The following PAG1 variants were observed in gnomAD, a reference collection of about 807,000 sequenced individuals.
The protein encoded by PAG1 is phosphoprotein membrane anchor with glycosphingolipid microdomains 1, also known as phosphoprotein associated with glycosphingolipid-enriched microdomains 1.
Under a neutral mutation model 31.7 loss-of-function variants are expected in PAG1, and 23 were observed. The observed-to-expected ratio is 0.73, with a 90% CI of 0.52 to 1.03. The LOEUF (loss-of-function observed/expected upper bound fraction) is 1.03. PAG1 is among the 50% of genes least tolerant of loss of function. The pLI, the probability that PAG1 is intolerant of heterozygous loss-of-function variation, is 0.00. For missense variants in PAG1, 473 were observed against 540.7 expected (o/e 0.87, Z 1.24); for synonymous variants, 214 against 210.3 (o/e 1.02, Z -0.15).
intron 5 of PAG1, chr8:80,987,671 C>T (rs1209198914): frequency 2.1e-5 from 11 of 512,866 alleles, no homozygotes; most frequent in Admixed American, 9.9e-5. Context: ...TAGTACTGAA[C>T]CCTATATAGA....
At position 81,094,593 on chromosome 8, in the gene PAG1, T is replaced by C. The variant is rs190565304; in HGVS notation, c.-234+16998A>G. 4.3e-3 allele frequency among the ~76,000 whole-genome samples: 650 copies of C among 152,254 alleles called. 7 individuals are homozygous for C. Among genetic ancestry groups the C allele is most frequent in the South Asian group, 0.023 (112 of 4,824 alleles). ...GGAAAAAGAGGCCCAGAAACACCAA[T>C]ATTAAGATCCAAGCTCTTCTTTGCA... On this transcript the variant is annotated intron_variant, in intron 1 of 8. Transcript: ENST00000220597.
intron 2 of PAG1, among the ~76,000 whole-genome samples, chr8:81,052,129 C>T (rs1028831299): frequency 4.0e-5 from 3 of 74,186 alleles, no homozygotes; most frequent in African/African-American, 5.6e-5. Flanking sequence ...GACTCCATCT[C>T]AAAAAAAAAA....
chr8:81,080,745 TCTA>T (rs1809252836), intron 1 of PAG1, among the ~76,000 whole-genome samples: 1 of 152,076 alleles, frequency 6.6e-6, no homozygotes, highest in Admixed American at 6.6e-5. Flanking sequence ...AAAAGAATAA[TCTA>T]CTGCCCAGCA....
chr8:81,077,802 G>C (rs1809203462), intron 1 of PAG1, among the ~76,000 whole-genome samples: 2 of 152,174 alleles, frequency 1.3e-5, no homozygotes, highest in African/African-American at 4.8e-5. Flanking sequence ...GTTTAGATTG[G>C]TTAGAGACAA....
chr8:80,980,643 G>A, intron 7 of PAG1, 149 bp from the exon 8 acceptor site: 1 of 610,636 alleles, frequency 1.6e-6, no homozygotes, highest in Non-Finnish European at 2.9e-6. Flanking sequence ...AAACACTTAT[G>A]CAATCTATTA....
intron 5 of PAG1, among the ~76,000 whole-genome samples, chr8:80,989,410 T>TA (rs1807491882): frequency 6.6e-6 from 1 of 152,196 alleles, no homozygotes; most frequent in Admixed American, 6.5e-5. Flanking sequence ...TCTTTGCTTC[T>TA]ATGAGATGAA....
intron 3 of PAG1, among the ~76,000 whole-genome samples, chr8:81,024,609 C>T (rs1449579507): frequency 6.6e-6 from 1 of 152,164 alleles, no homozygotes; most frequent in Non-Finnish European, 1.5e-5. Context: ...AAATTTCTAC[C>T]TAAAAGACTA....
At chr8:81,100,751 G>A (rs539411125) in intron 1 of PAG1, among the ~76,000 whole-genome samples, 1 of 152,322 alleles carries the variant, frequency 6.6e-6, no homozygotes, top group East Asian at 1.9e-4. Flanking sequence ...ACAGTCCTTG[G>A]CATATTACAG....
Position 80,968,028 on chromosome 8 carries a change from T to C in PAG1, c.*8516A>G, listed in dbSNP as rs1005358076. 2 of 151,990 alleles carry C rather than the reference T, an allele frequency of 1.3e-5. No homozygotes were observed. The highest frequency in any genetic ancestry group is 2.9e-5 in the Non-Finnish European group (2 of 68,020). 9.4% of individuals were successfully genotyped at this position (151,990 alleles called of 1,614,324 possible). A position where few individuals can be genotyped will look rare whatever the true frequency, so the allele number is the denominator to read the frequency against. On this transcript the variant is annotated 3_prime_UTR_variant, in exon 9 of 9. Transcript: ENST00000220597. ...ACTGGCAGAAACATACGAAAACAAA[T>C]ACCCATTTCAGTTCCTCAGGTACCA...
chr8:81,108,584 C>T (rs928096857), intron 1 of PAG1, among the ~76,000 whole-genome samples: 5 of 151,762 alleles, frequency 3.3e-5, no homozygotes, highest in Admixed American at 3.3e-4. Context: ...GTGCCCTATA[C>T]GGCAATTAGA....
intron 1 of PAG1, among the ~76,000 whole-genome samples, chr8:81,074,271 C>T (rs370681548): frequency 3.3e-5 from 5 of 152,052 alleles, no homozygotes; most frequent in African/African-American, 9.6e-5. Context: ...GAAGATGTGG[C>T]GTGGGGAGAG....
Position 80,985,334 on chromosome 8 carries a change from C to G in PAG1, c.318G>C (p.Glu106Asp). Reference sequence around the variant, plus strand: ...GATCCGAGGCCGATGTCTGGACTTCCTCGTAATGCTGCATGCAGGTCAGAG... The same window carrying G: ...GATCCGAGGCCGATGTCTGGACTTCGTCGTAATGCTGCATGCAGGTCAGAG... ...DSTLTCMQHY[E>D]EVQTSASDLL... Residue 106 changes from glutamate to aspartate, a missense_variant, in exon 7 of 9, where the codon GAG becomes GAC. Glu to Asp is a conservative substitution (Grantham distance 45, BLOSUM62 2). Coordinates refer to ENST00000220597, the MANE Select transcript of PAG1 (RefSeq NM_018440.4). 1.9e-6 allele frequency: 3 copies of G among 1,614,066 alleles called. No individual in the cohort carries two copies. Among genetic ancestry groups the G allele is most frequent in the Non-Finnish European group, 2.5e-6 (3 of 1,179,952 alleles).
chr8:81,041,893 A>G (rs1808559991), intron 2 of PAG1, among the ~76,000 whole-genome samples: 1 of 152,190 alleles, frequency 6.6e-6, no homozygotes, highest in Admixed American at 6.5e-5. Flanking sequence ...AAGTAGTACC[A>G]TGAATGAGGA....
chr8:81,069,530 A>C (rs1398773992), intron 2 of PAG1, among the ~76,000 whole-genome samples: 1 of 152,260 alleles, frequency 6.6e-6, no homozygotes, highest in African/African-American at 2.4e-5. Context: ...TAACCTGTTC[A>C]TTTAGTCTGA....
At chr8:81,066,723 A>G (rs1809014571) in intron 2 of PAG1, among the ~76,000 whole-genome samples, 1 of 152,200 alleles carries the variant, frequency 6.6e-6, no homozygotes, top group Non-Finnish European at 1.5e-5. Flanking sequence ...GATATTTCAA[A>G]AGAGGAAAGA....
chr8:81,022,727 T>C (rs1158590622), intron 3 of PAG1, among the ~76,000 whole-genome samples: 1 of 152,206 alleles, frequency 6.6e-6, no homozygotes, highest in South Asian at 2.1e-4. Flanking sequence ...GGGATTTGTT[T>C]AACATATTTA....
At chr8:81,076,909 A>T (rs376608401) in intron 1 of PAG1, among the ~76,000 whole-genome samples, 1 of 152,232 alleles carries the variant, frequency 6.6e-6, no homozygotes, top group South Asian at 2.1e-4. Context: ...GGAAGCTGTT[A>T]TGCATAATTA....
chr8:81,110,532 T>C (rs1230624028), intron 1 of PAG1, among the ~76,000 whole-genome samples: 2 of 152,224 alleles, frequency 1.3e-5, no homozygotes, highest in African/African-American at 2.4e-5. Context: ...CAGCTACCTA[T>C]AAATCATGCT....
rs561194261 is a variant in PAG1 at position 81,104,170 on chromosome 8, G to A, written c.-234+7421C>T. The stretch of plus-strand genomic sequence containing the variant: ...AGGAGTAAAAGCCACCATTATCTGT[G>A]TAGATGGAAGCAAGTTAACAGTCAG... On this transcript the variant is annotated intron_variant, in intron 1 of 8. Transcript: ENST00000220597. Among the ~76,000 whole-genome samples, 13 of 152,212 alleles carry A rather than the reference G, an allele frequency of 8.5e-5. No homozygotes were observed. The South Asian group carries it at 2.7e-3, about 32-fold the overall frequency.
Sources: gnomAD v4.1 joint callset for allele counts (sites outside exome capture counted in the v4.1 genomes callset) on GRCh38, gnomAD v4.1.1 for gene constraint, MANE v1.5 for transcripts, NCBI Gene and HGNC (gene_info 2026-07-23, HGNC 2026-07-21) for gene names.